The following CSMD1 variants were observed in gnomAD, a reference collection of about 807,000 sequenced individuals.
CSMD1 encodes the protein CUB and sushi domain-containing protein 1.
Under a neutral mutation model 417.5 loss-of-function variants are expected in CSMD1, and 213 were observed. The ratio of observed to expected loss-of-function variants is 0.51; its 90% CI spans 0.46 to 0.57. The LOEUF (loss-of-function observed/expected upper bound fraction) is 0.57, where lower values mean the gene tolerates loss of function less well. Among genes scored for constraint, CSMD1 ranks in the 20% least tolerant of loss-of-function variants. The pLI, the probability that CSMD1 is intolerant of heterozygous loss-of-function variation, is 0.00. For missense variants in CSMD1, 6,923 were observed against 4,529.7 expected (o/e 1.53, Z -15.17); for synonymous variants, 2,862 against 1,736.8 (o/e 1.65, Z -16.11).
chr8:3,102,018 T>A (rs943246852), intron 46 of CSMD1, among the ~76,000 whole-genome samples: 1 of 152,052 alleles, frequency 6.6e-6, no homozygotes, highest in Non-Finnish European at 1.5e-5. Context: ...GCCAGGCTGG[T>A]GTCGAACTCC....
At chr8:3,322,800 C>T (rs1045863713) in intron 23 of CSMD1, among the ~76,000 whole-genome samples, 1 of 152,216 alleles carries the variant, frequency 6.6e-6, no homozygotes, top group African/African-American at 2.4e-5. Context: ...AGGCATTTCT[C>T]CTGTCCAGTC....
intron 18 of CSMD1, among the ~76,000 whole-genome samples, chr8:3,369,812 G>A (rs549725997): frequency 2.0e-5 from 3 of 152,190 alleles, no homozygotes; most frequent in South Asian, 2.1e-4. Flanking sequence ...ATGGGAAAGT[G>A]GCAACAATTA....
chr8:4,868,296 C>T (rs888154610), intron 1 of CSMD1, among the ~76,000 whole-genome samples: 2 of 152,062 alleles, frequency 1.3e-5, no homozygotes, highest in African/African-American at 2.4e-5. Context: ...AGCAGTGGCG[C>T]GATCTCGGCT....
chr8:4,551,406 G>A (rs933807927), intron 2 of CSMD1, among the ~76,000 whole-genome samples: 5 of 152,062 alleles, frequency 3.3e-5, no homozygotes, highest in South Asian at 2.1e-4. Context: ...AACCCCATGC[G>A]GACTACTGTC....
At chr8:3,984,712 T>TC (rs1585080052) in intron 5 of CSMD1, among the ~76,000 whole-genome samples, 78 of 32,054 alleles carry the variant, frequency 2.4e-3, no homozygotes, top group South Asian at 5.8e-3. Flanking sequence ...ATCATATATA[T>TC]ATATATATAT....
intron 37 of CSMD1, among the ~76,000 whole-genome samples, chr8:3,163,617 GAAAA>G (rs996110984): frequency 9.3e-6 from 1 of 108,014 alleles, no homozygotes; most frequent in Non-Finnish European, 2.0e-5. Flanking sequence ...TTCCGAAAAA[GAAAA>G]AAAAAAAAAA....
At chr8:3,460,686 G>A (rs185821166) in intron 12 of CSMD1, among the ~76,000 whole-genome samples, 221 of 152,196 alleles carry the variant, frequency 1.5e-3, no homozygotes, top group African/African-American at 5.2e-3. Context: ...AAAGAGAACA[G>A]GATCATAAAC....
chr8:3,937,447 G>C (rs1358097699), intron 5 of CSMD1, among the ~76,000 whole-genome samples: 1 of 152,098 alleles, frequency 6.6e-6, no homozygotes. Flanking sequence ...CCTGATCACT[G>C]ATCATCCATC....
intron 1 of CSMD1, among the ~76,000 whole-genome samples, chr8:4,657,931 C>T (rs1741080200): frequency 6.6e-6 from 1 of 151,780 alleles, no homozygotes; most frequent in Admixed American, 6.6e-5. Flanking sequence ...ATAAAAAGTA[C>T]AATAACTGAT....
intron 1 of CSMD1, among the ~76,000 whole-genome samples, chr8:4,916,483 G>A (rs140612466): frequency 2.0e-5 from 3 of 152,222 alleles, no homozygotes; most frequent in African/African-American, 4.8e-5. Context: ...AACTTGCAAT[G>A]TATGTTTTCT....
At chr8:4,281,510 T>C (rs187265166) in intron 3 of CSMD1, among the ~76,000 whole-genome samples, 2 of 152,348 alleles carry the variant, frequency 1.3e-5, no homozygotes, top group South Asian at 2.1e-4. Flanking sequence ...TACTGAAATA[T>C]CTTATGCATT....
intron 15 of CSMD1, among the ~76,000 whole-genome samples, chr8:3,402,587 C>T (rs1233746267): frequency 6.6e-6 from 1 of 152,138 alleles, no homozygotes; most frequent in Admixed American, 6.5e-5. Context: ...AATAAATAAC[C>T]TACGCTTTTA....
At chr8:4,193,837 C>T (rs1431760381) in intron 3 of CSMD1, among the ~76,000 whole-genome samples, 1 of 151,852 alleles carries the variant, frequency 6.6e-6, no homozygotes, top group Non-Finnish European at 1.5e-5. Context: ...TACAGTTCAG[C>T]CGTGTTTCCC....
At chr8:3,814,980 C>T (rs1270258733) in intron 5 of CSMD1, among the ~76,000 whole-genome samples, 1 of 152,106 alleles carries the variant, frequency 6.6e-6, no homozygotes, top group Non-Finnish European at 1.5e-5. Context: ...CAATCATCTG[C>T]ATAATAATTA....
chr8:3,246,659 A>T (rs1463092668), intron 26 of CSMD1, among the ~76,000 whole-genome samples: 2 of 152,122 alleles, frequency 1.3e-5, no homozygotes, highest in Non-Finnish European at 2.9e-5. Context: ...TTTGAAAGAG[A>T]CGGGGTTTTG....
intron 7 of CSMD1, among the ~76,000 whole-genome samples, chr8:3,697,329 G>A (rs528799837): frequency 6.6e-6 from 1 of 152,240 alleles, no homozygotes; most frequent in African/African-American, 2.4e-5. Context: ...TTTAAAATGT[G>A]TTTTAAATAA....
At chr8:3,824,150 A>G (rs1218723841) in intron 5 of CSMD1, among the ~76,000 whole-genome samples, 1 of 152,178 alleles carries the variant, frequency 6.6e-6, no homozygotes, top group Non-Finnish European at 1.5e-5. Flanking sequence ...CAGCCGAGTC[A>G]AACATTCCAA....
chr8:4,620,831 C>T (rs1801737351), intron 2 of CSMD1, among the ~76,000 whole-genome samples: 1 of 151,190 alleles, frequency 6.6e-6, no homozygotes, highest in Non-Finnish European at 1.5e-5. Context: ...TTCCACTTAA[C>T]TTATAAGAAA....
At chr8:4,603,735 A>G (rs1251969777) in intron 2 of CSMD1, among the ~76,000 whole-genome samples, 1 of 152,168 alleles carries the variant, frequency 6.6e-6, no homozygotes, top group Non-Finnish European at 1.5e-5. Context: ...ATGAAAAAAT[A>G]TTGTTAGACA....
Sources: allele counts gnomAD v4.1 joint callset (sites outside exome capture counted in the v4.1 genomes callset), GRCh38; gene constraint gnomAD v4.1.1; transcripts MANE v1.5; gene names NCBI Gene and HGNC (gene_info 2026-07-23, HGNC 2026-07-21).